The following SH3GL2 variants were observed in gnomAD, a reference collection of about 807,000 sequenced individuals.
SH3GL2 encodes the protein SH3 domain containing GRB2 like 2, endophilin A1, also known as endophilin-A1.
In SH3GL2, 24 loss-of-function variants were observed where a neutral mutation model predicts 46.0. That is an observed-to-expected ratio of 0.52 (90% CI 0.38 to 0.73). The LOEUF is 0.73. Ranked by LOEUF, SH3GL2 falls within the 30% of genes least tolerant of loss-of-function variation. The pLI, the probability that SH3GL2 is intolerant of heterozygous loss-of-function variation, is 0.00. For missense variants in SH3GL2, 413 were observed against 424.2 expected, an observed-to-expected ratio of 0.97 and a Z score of 0.23; for synonymous variants, 196 against 147.1, an observed-to-expected ratio of 1.33 and a Z score of -2.40.
chr9:17,632,253 A>C (rs1231175353), intron 1 of SH3GL2, among the ~76,000 whole-genome samples: 1 of 152,230 alleles, frequency 6.6e-6, no homozygotes, highest in African/African-American at 2.4e-5. Context: ...TTGTCATACA[A>C]CAACCTATCC....
chr9:17,604,639 G>C (rs1156333052), intron 1 of SH3GL2, among the ~76,000 whole-genome samples: 2 of 152,186 alleles, frequency 1.3e-5, no homozygotes, highest in Non-Finnish European at 2.9e-5. Flanking sequence ...TTGGTGTGGT[G>C]CTTGTGAAGA....
intron 3 of SH3GL2, among the ~76,000 whole-genome samples, chr9:17,771,385 C>T (rs1162149441): frequency 6.6e-6 from 1 of 152,162 alleles, no homozygotes; most frequent in African/African-American, 2.4e-5. Flanking sequence ...TATTATGCAC[C>T]TTCCTTTCCT....
intron 3 of SH3GL2, among the ~76,000 whole-genome samples, chr9:17,775,809 G>C (rs1056245697): frequency 2.6e-5 from 4 of 152,150 alleles, no homozygotes; most frequent in African/African-American, 9.7e-5. Flanking sequence ...ATAAAGATGT[G>C]ACTTGGAGTA....
chr9:17,711,847 A>G (rs1821633325), intron 1 of SH3GL2, among the ~76,000 whole-genome samples: 5 of 151,762 alleles, frequency 3.3e-5, no homozygotes, highest in Admixed American at 3.3e-4. Context: ...GAATAGCTGG[A>G]TTATGTGGTA....
At chr9:17,626,332 T>C (rs962760110) in intron 1 of SH3GL2, among the ~76,000 whole-genome samples, 1 of 152,184 alleles carries the variant, frequency 6.6e-6, no homozygotes, top group African/African-American at 2.4e-5. Context: ...CAGGGACCTT[T>C]GTGAGGGACA....
chr9:17,632,603 A>G (rs1224271762), intron 1 of SH3GL2, among the ~76,000 whole-genome samples: 2 of 152,208 alleles, frequency 1.3e-5, no homozygotes, highest in Non-Finnish European at 2.9e-5. Context: ...TAATGATTAC[A>G]TCCTTTAATT....
chr9:17,688,468 A>T (rs1238489321), intron 1 of SH3GL2, among the ~76,000 whole-genome samples: 1 of 151,968 alleles, frequency 6.6e-6, no homozygotes, highest in African/African-American at 2.4e-5. Flanking sequence ...CGAAAATAAG[A>T]CCCAGTGTGA....
intron 3 of SH3GL2, among the ~76,000 whole-genome samples, chr9:17,770,878 C>T (rs1046421668): frequency 5.3e-5 from 8 of 152,170 alleles, no homozygotes; most frequent in African/African-American, 1.7e-4. Flanking sequence ...CAGCAACCCA[C>T]GTGAGCCTGG....
At chr9:17,694,712 A>G (rs1479952488) in intron 1 of SH3GL2, among the ~76,000 whole-genome samples, 1 of 152,168 alleles carries the variant, frequency 6.6e-6, no homozygotes, top group Non-Finnish European at 1.5e-5. Flanking sequence ...AGAAACCGCT[A>G]TTCTTTCTAA....
At chr9:17,677,655 G>C (rs1053577333) in intron 1 of SH3GL2, among the ~76,000 whole-genome samples, 3 of 150,994 alleles carry the variant, frequency 2.0e-5, no homozygotes, top group Non-Finnish European at 4.4e-5. Context: ...TATACTTTAA[G>C]TTTTAGGGTA....
intron 1 of SH3GL2, among the ~76,000 whole-genome samples, chr9:17,678,930 TCA>T (rs1029633641): frequency 6.6e-6 from 1 of 152,204 alleles, no homozygotes; most frequent in African/African-American, 2.4e-5. Context: ...TTGTCAAAGA[TCA>T]GACTGTTGTA....
At chr9:17,665,130 C>T (rs942670211) in intron 1 of SH3GL2, among the ~76,000 whole-genome samples, 3 of 152,036 alleles carry the variant, frequency 2.0e-5, no homozygotes, top group African/African-American at 7.2e-5. Flanking sequence ...TTCTCTGAAC[C>T]GTTTAAGAGT....
intron 1 of SH3GL2, among the ~76,000 whole-genome samples, chr9:17,626,590 A>G (rs567304292): frequency 1.7e-4 from 26 of 152,342 alleles, no homozygotes; most frequent in African/African-American, 6.0e-4. Flanking sequence ...AAGACATATC[A>G]GGTAACCTTT....
intron 3 of SH3GL2, among the ~76,000 whole-genome samples, chr9:17,783,309 T>A (rs1823865058): frequency 6.6e-6 from 1 of 151,858 alleles, no homozygotes; most frequent in Non-Finnish European, 1.5e-5. Context: ...TTTTCCTGTT[T>A]GTTTGTTTGG....
intron 1 of SH3GL2, among the ~76,000 whole-genome samples, chr9:17,594,602 A>G (rs1030778878): frequency 3.9e-5 from 6 of 152,242 alleles, no homozygotes; most frequent in Non-Finnish European, 5.9e-5. Flanking sequence ...CCTATGTAAC[A>G]AACCTGCACG....
rs28649068 is a variant in SH3GL2 at position 17,771,849 on chromosome 9, G to A, written c.187+10340G>A. The stretch of plus-strand genomic sequence containing the variant: ...GGTGTTATATAAATACCATTATTTG[G>A]GTTGAGAGTAGCACGATCCAGTGCT... On this transcript the variant is annotated intron_variant, in intron 3 of 8. Transcript: ENST00000380607. Among the ~76,000 whole-genome samples the A allele has an allele frequency of 8.4e-3, 1,283 of 152,172 alleles. 28 individuals are homozygous for A. Among genetic ancestry groups the A allele is most frequent in the African/African-American group, 0.03 (1,229 of 41,498 alleles).
intron 1 of SH3GL2, among the ~76,000 whole-genome samples, chr9:17,714,812 T>C (rs890703936): frequency 2.2e-4 from 33 of 151,880 alleles, no homozygotes; most frequent in African/African-American, 8.0e-4. Flanking sequence ...CCTGTAACAT[T>C]TTCTATGCTT....
intron 1 of SH3GL2, among the ~76,000 whole-genome samples, chr9:17,634,314 T>C (rs1052265047): frequency 6.6e-6 from 1 of 152,210 alleles, no homozygotes; most frequent in Admixed American, 6.5e-5. Context: ...GGTATTCCTT[T>C]TAACTATGAG....
At chr9:17,761,575 A>G (rs767532056) in intron 3 of SH3GL2, 66 bp downstream of exon 3, 4 of 1,001,098 alleles carry the variant, frequency 4.0e-6, no homozygotes, top group African/African-American at 3.2e-5. Flanking sequence ...TTTGATAGAC[A>G]TTTTAAGTTT....
Sources: allele counts gnomAD v4.1 joint callset (sites outside exome capture counted in the v4.1 genomes callset), GRCh38; gene constraint gnomAD v4.1.1; transcripts MANE v1.5; gene names NCBI Gene and HGNC (gene_info 2026-07-23, HGNC 2026-07-21).